Variants in SEMA6B observed in about 807,000 individuals in gnomAD.
The protein encoded by SEMA6B is semaphorin-6B.
Under a neutral mutation model 78.6 loss-of-function variants are expected in SEMA6B, and 47 were observed. That is an observed-to-expected ratio of 0.60 (90% CI 0.47 to 0.76). The LOEUF is 0.76. Ranked by LOEUF, SEMA6B falls within the 30% of genes least tolerant of loss-of-function variation. The probability of loss-of-function intolerance (pLI) is 0.00; values close to 1 mark genes in which losing one functional copy is unlikely to be tolerated. For missense variants in SEMA6B, 1,213 were observed against 1,269.9 expected (o/e 0.96, Z 0.68); for synonymous variants, 632 against 592.2 (o/e 1.07, Z -0.98).
intron 12 of SEMA6B, among the ~76,000 whole-genome samples, chr19:4,549,541 T>C (rs1156798409): frequency 1.3e-5 from 2 of 152,164 alleles, no homozygotes; most frequent in African/African-American, 4.8e-5. Context: ...TGCAGTGGCG[T>C]GATCTTGGCT....
At position 4,544,828 on chromosome 19, in the gene SEMA6B, T is replaced by C. The variant is rs560787654; in HGVS notation, c.1739-299A>G. 3.3e-5 allele frequency among the ~76,000 whole-genome samples: 5 copies of C among 151,786 alleles called. No homozygotes were observed. Among genetic ancestry groups the C allele is most frequent in the African/African-American group, 1.2e-4 (5 of 41,390 alleles). On this transcript the variant is annotated intron_variant, in intron 16 of 16. Coordinates refer to ENST00000586582, the MANE Select transcript of SEMA6B (RefSeq NM_032108.4). This position sits in a 1 kb window ranked among gnomAD's most constrained non-coding sequence, Gnocchi z 5.1. ...TTTTTGTATTTTTAGTAGGATGGGG[T>C]TTCACCACGTTGGCCAGGCTGGTCT...
In SEMA6B at chr19:4,558,205, G is replaced by A; in HGVS notation, c.122-56C>T. 7.3e-7 allele frequency: 1 copy of A among 1,367,722 alleles called. No individual in the cohort carries two copies. Among genetic ancestry groups the A allele is most frequent in the South Asian group, 1.8e-5 (1 of 54,250 alleles). 84.7% of individuals were successfully genotyped at this position (1,367,722 alleles called of 1,614,324 possible). A position where few individuals can be genotyped will look rare whatever the true frequency, so the allele number is the denominator to read the frequency against. ...AAGGGCTGGGGGTGAAGAGAGGGTG[G>A]CCTGAGGTCATGCCCCTTCTAGGGG... is the stretch of plus-strand genomic sequence containing the variant. On this transcript the variant is annotated intron_variant, in intron 2 of 16. Coordinates refer to ENST00000586582, the MANE Select transcript of SEMA6B (RefSeq NM_032108.4). This position sits in a 1 kb window ranked among gnomAD's most constrained non-coding sequence, Gnocchi z 5.1.
At chr19:4,547,562 T>G (rs1213907666) in intron 14 of SEMA6B, among the ~76,000 whole-genome samples, 2 of 152,138 alleles carry the variant, frequency 1.3e-5, no homozygotes, top group African/African-American at 4.8e-5. Flanking sequence ...TTCCTCCCAT[T>G]TTAGAGACGG....
Position 4,543,468 on chromosome 19 carries a change from C to T in SEMA6B, c.*133G>A, listed in dbSNP as rs888058416. ...TGCTTCCTTGTGGCGGAGGGGGCCC[C>T]CCACTCCGCGGGTGGGTCGCGGGGG... On this transcript the variant is annotated 3_prime_UTR_variant, in exon 17 of 17. Transcript: ENST00000586582. The T allele has an allele frequency of 1.5e-5, 4 of 268,682 alleles. No homozygotes were observed. Among genetic ancestry groups the T allele is most frequent in the Non-Finnish European group, 2.7e-5 (4 of 149,412 alleles). The allele number at this position is 268,682 out of a possible 1,614,324, so 16.6% of individuals were successfully genotyped here.
At chr19:4,551,668 A>G (rs1977335784) in intron 10 of SEMA6B, among the ~76,000 whole-genome samples, 1 of 151,758 alleles carries the variant, frequency 6.6e-6, no homozygotes, top group Non-Finnish European at 1.5e-5. Flanking sequence ...CGTCTCTACT[A>G]AAAATACAAA....
At position 4,555,577 on chromosome 19, in the gene SEMA6B, T is replaced by TG. The variant is rs1568258071; in HGVS notation, c.472-14dup. 2.5e-6 allele frequency: 4 copies of TG among 1,610,150 alleles called. No homozygotes were observed. The highest frequency in any genetic ancestry group is 3.4e-6 in the Non-Finnish European group (4 of 1,177,764). ...GCAGGGTGTCTATCTGCAGGGACCA[T>TG]GGGGCCTGAGTGACAGATCTCCTGA... On this transcript the variant is annotated splice_polypyrimidine_tract_variant and intron_variant, in intron 6 of 16. Coordinates refer to ENST00000586582, the MANE Select transcript of SEMA6B (RefSeq NM_032108.4). The surrounding 1 kb of genome is among the most constrained non-coding windows in gnomAD (Gnocchi z 6.1).
At chr19:4,546,703 C>A (rs1977178279) in intron 14 of SEMA6B, among the ~76,000 whole-genome samples, 1 of 152,100 alleles carries the variant, frequency 6.6e-6, no homozygotes, top group Non-Finnish European at 1.5e-5. Context: ...TGGTTCACTG[C>A]AACCTCCGCC....
rs565252039 is a variant in SEMA6B, at chr19:4,549,156, T to C, written c.1272-711A>G. 7.2e-5 allele frequency among the ~76,000 whole-genome samples: 11 copies of C among 152,166 alleles called. 1 individual carries two copies. In the South Asian group the frequency reaches 2.3e-3, roughly 32 times the overall value. On this transcript the variant is annotated intron_variant, in intron 12 of 16. Coordinates refer to ENST00000586582, the MANE Select transcript of SEMA6B (RefSeq NM_032108.4). ...TTCTCCTGATATGTATGTGTGTCTG[T>C]GTATCTTTCAGTCTCTTTCTCTCTT... is the stretch of plus-strand genomic sequence containing the variant.
rs760868793 is a variant in SEMA6B at position 4,557,028 on chromosome 19, A to C, written c.307-15T>G. ...CAGGTCAGCTTCTGCAGACAGAGAG[A>C]GCTGGTGAGGGGGTAACGGGTCCCA... On this transcript the variant is annotated splice_polypyrimidine_tract_variant and intron_variant, in intron 4 of 16. Coordinates refer to ENST00000586582, the MANE Select transcript of SEMA6B (RefSeq NM_032108.4). 1 of 1,611,762 alleles carries C rather than the reference A, an allele frequency of 6.2e-7. No homozygotes were observed. The highest frequency in any genetic ancestry group is 1.3e-5 in the African/African-American group (1 of 74,740).
In SEMA6B at chr19:4,548,122, C is replaced by A; in HGVS notation, c.1506G>T (p.Glu502Asp). Residue 502 changes from glutamate to aspartate, a missense_variant, in exon 14 of 17, where the codon GAG becomes GAT. Transcript: ENST00000586582. Reference protein sequence around the residue: ...GETGQRLLSLELDAASGGLLA... With the variant: ...GETGQRLLSLDLDAASGGLLA... Reference sequence around the variant, plus strand: ...GCAGGCCCCCCGAAGCTGCGTCCAGCTCCAAGCTCAGCAGCCGCTGCCCTG... The same window carrying A: ...GCAGGCCCCCCGAAGCTGCGTCCAGATCCAAGCTCAGCAGCCGCTGCCCTG... The A allele has an allele frequency of 6.3e-7, 1 of 1,592,672 alleles. No individual in the cohort carries two copies. Among genetic ancestry groups the A allele is most frequent in the South Asian group, 1.1e-5 (1 of 89,834 alleles).
At position 4,557,236 on chromosome 19, in the gene SEMA6B, CAT is replaced by C; in HGVS notation, c.246-15_246-14del. 1 of 1,561,844 alleles carries C rather than the reference CAT, an allele frequency of 6.4e-7. No individual in the cohort carries two copies. Among genetic ancestry groups the C allele is most frequent in the African/African-American group, 1.4e-5 (1 of 73,752 alleles). On this transcript the variant is annotated splice_polypyrimidine_tract_variant and intron_variant, in intron 3 of 16. Coordinates refer to ENST00000586582, the MANE Select transcript of SEMA6B (RefSeq NM_032108.4). ...GTAGAGGTTGTCCCTGGGGGAGGGG[CAT>C]AGTTAGTGAGAACTGGGGGCTCCGC... is the stretch of plus-strand genomic sequence containing the variant.
In SEMA6B at chr19:4,550,510, C is replaced by T. The variant is rs373262771; in HGVS notation, c.1122-238G>A. 3.0e-4 allele frequency among the ~76,000 whole-genome samples: 45 copies of T among 152,196 alleles called. No homozygotes were observed. The highest frequency in any genetic ancestry group is 6.2e-4 in the South Asian group (3 of 4,816). On this transcript the variant is annotated intron_variant, in intron 11 of 16. Transcript: ENST00000586582. The surrounding 1 kb of genome is among the most constrained non-coding windows in gnomAD (Gnocchi z 6.6). ...ACCCGAGTGGCTGGGATTACAGGCA[C>T]GTGCCATCACGCCCGGCTAATTTTT... is the stretch of plus-strand genomic sequence containing the variant.
chr19:4,544,169 T>C lies in SEMA6B; in HGVS notation c.2099A>G (p.His700Arg). 1 of 1,269,122 alleles carries C rather than the reference T, an allele frequency of 7.9e-7. No individual in the cohort carries two copies. The highest frequency in any genetic ancestry group is 4.2e-5 in the Admixed American group (1 of 23,534). 78.6% of individuals were successfully genotyped at this position (1,269,122 alleles called of 1,614,324 possible). The change falls in exon 17 of 17, where the codon CAC (histidine) becomes CGC (arginine). Residue 700 changes from histidine to arginine, a missense_variant. His to Arg is a conservative substitution (Grantham distance 29). Coordinates refer to ENST00000586582, the MANE Select transcript of SEMA6B (RefSeq NM_032108.4). The surrounding 1 kb of genome is among the most constrained non-coding windows in gnomAD (Gnocchi z 5.1). ...GGGCAGCAGCCCCGAGTCCAGGTCG[T>C]GGGGCCCGCCCTGCAGCAGCGTGGC... ...AKATLLQGGP[H>R]DLDSGLLPTP...
intron 16 of SEMA6B, chr19:4,545,892 C>A: frequency 5.0e-6 from 1 of 199,200 alleles, no homozygotes; most frequent in Non-Finnish European, 1.1e-5. Context: ...CTGCCTCAGC[C>A]TCCCGAGTAG....
At position 4,543,253 on chromosome 19, in the gene SEMA6B, C is replaced by A. The variant is rs1977066749; in HGVS notation, c.*348G>T. 10 of 529,662 alleles carry A rather than the reference C, an allele frequency of 1.9e-5. No homozygotes were observed. The South Asian group carries it at 2.5e-4, about 13-fold the overall frequency. 32.8% of individuals were successfully genotyped at this position (529,662 alleles called of 1,614,324 possible). ...CCCACCGGCGTCCAAGCCTCCCCTGCCTGCCGCCACCCCGAGAACGGAGTT... is the reference window on the plus strand; with the variant it reads ...CCCACCGGCGTCCAAGCCTCCCCTGACTGCCGCCACCCCGAGAACGGAGTT... On this transcript the variant is annotated 3_prime_UTR_variant, in exon 17 of 17. Coordinates refer to ENST00000586582, the MANE Select transcript of SEMA6B (RefSeq NM_032108.4).
Position 4,544,077 on chromosome 19 carries a change from C to A in SEMA6B, c.2191G>T (p.Gly731Cys). ...PTPHPHPHAL[G>C]PRAWDHGHPL... ...TGGCCGTGGTCCCAGGCGCGGGGGC[C>A]CAGGGCGTGGGGGTGCGGGTGCGGA... The change falls in exon 17 of 17, where the codon GGC (glycine) becomes TGC (cysteine). Residue 731 changes from glycine to cysteine, a missense_variant. Transcript: ENST00000586582. The surrounding 1 kb of genome is among the most constrained non-coding windows in gnomAD (Gnocchi z 5.1). 8.1e-7 allele frequency: 1 copy of A among 1,240,274 alleles called. No homozygotes were observed. The highest frequency in any genetic ancestry group is 1.0e-6 in the Non-Finnish European group (1 of 992,356). The allele number at this position is 1,240,274 out of a possible 1,614,324, so 76.8% of individuals were successfully genotyped here.
Position 4,550,815 on chromosome 19 carries a change from G to T in SEMA6B, c.1105C>A (p.Gln369Lys), listed in dbSNP as rs376774420. Reference sequence around the variant, plus strand: ...GGTTCTCACCGGGGTCGAGGCACCTGATCCTCCGGCACCGGCGTCCAGATG... The same window carrying T: ...GGTTCTCACCGGGGTCGAGGCACCTTATCCTCCGGCACCGGCGTCCAGATG... The part of the protein sequence containing the change: ...ESIWTPVPED[Q>K]VPRPRPGCCA... Residue 369 changes from glutamine to lysine, a missense_variant, in exon 11 of 17, where the codon CAG (glutamine) becomes AAG (lysine). Transcript: ENST00000586582. This position sits in a 1 kb window ranked among gnomAD's most constrained non-coding sequence, Gnocchi z 6.6. 38 of 1,613,330 alleles carry T rather than the reference G, an allele frequency of 2.4e-5. No homozygotes were observed. The African/African-American group carries it at 3.2e-4, about 14-fold the overall frequency.
intron 3 of SEMA6B, 106 bp downstream of exon 3, chr19:4,557,920 G>C (rs1004859831): frequency 2.0e-6 from 2 of 990,794 alleles, no homozygotes; most frequent in African/African-American, 3.4e-5. Flanking sequence ...TGGCCCAACA[G>C]GCCCTGCACG....
At position 4,554,436 on chromosome 19, in the gene SEMA6B, G is replaced by C; in HGVS notation, c.723C>G (p.Val241=). The change falls in exon 9 of 17, where the codon GTC becomes GTG. Residue 241 remains valine, a synonymous_variant. Transcript: ENST00000586582. ...FVHAVEWGSH[V]YFFFREIAME... ...TCGCAATCTCCCGGAAGAAGAAGTAGACATGGCTGCCCCACTCCACCGCAT... is the reference window on the plus strand; with the variant it reads ...TCGCAATCTCCCGGAAGAAGAAGTACACATGGCTGCCCCACTCCACCGCAT... 1.2e-6 allele frequency: 2 copies of C among 1,613,992 alleles called. No individual in the cohort carries two copies. The highest frequency in any genetic ancestry group is 1.7e-6 in the Non-Finnish European group (2 of 1,179,978).
Sources: gnomAD v4.1 joint callset for allele counts (sites outside exome capture counted in the v4.1 genomes callset) on GRCh38, gnomAD v4.1.1 for gene constraint, Gnocchi (gnomAD v3.1) non-coding constraint, MANE v1.5 for transcripts, NCBI Gene and HGNC (gene_info 2026-07-23, HGNC 2026-07-21) for gene names.